GRID2: variants seen among roughly 807,000 people sequenced by gnomAD.
The protein encoded by GRID2 is glutamate receptor ionotropic, delta-2.
In GRID2, 33 loss-of-function variants were observed where a neutral mutation model predicts 114.8. The ratio of observed to expected loss-of-function variants is 0.29; its 90% CI spans 0.22 to 0.38. The LOEUF is 0.38. Ranked by LOEUF, GRID2 falls within the 10% of genes least tolerant of loss-of-function variation. GRID2 has a pLI of 1.00. For missense variants in GRID2, 1,184 were observed against 1,257.7 expected (o/e 0.94, Z 0.89); for synonymous variants, 505 against 449.9 (o/e 1.12, Z -1.55).
intron 13 of GRID2, among the ~76,000 whole-genome samples, chr4:93,570,386 A>T (rs983498613): frequency 3.3e-5 from 5 of 152,150 alleles, no homozygotes; most frequent in Admixed American, 2.0e-4. Flanking sequence ...TTAGGTTGAT[A>T]TTGAGGAAGG....
In GRID2 at chr4:93,187,350, C is replaced by G. The variant is rs996956982; in HGVS notation, c.736-20054C>G. Among the ~76,000 whole-genome samples the G allele has an allele frequency of 2.0e-5, 3 of 149,544 alleles. No homozygotes were observed. The East Asian group carries it at 5.9e-4, about 30-fold the overall frequency. On this transcript the variant is annotated intron_variant, in intron 4 of 15. Coordinates refer to ENST00000282020, the MANE Select transcript of GRID2 (RefSeq NM_001510.4). ...GGAGTGCAGTGGTGTGATCTCGGCT[C>G]TTAGCAACCTCTACCTCCACGGTTC...
At chr4:92,892,729 G>A (rs902593969) in intron 2 of GRID2, among the ~76,000 whole-genome samples, 2 of 151,948 alleles carry the variant, frequency 1.3e-5, no homozygotes, top group African/African-American at 4.8e-5. Flanking sequence ...AATCCACTTG[G>A]GAACACATAA....
chr4:93,173,215 C>G (rs1739017568), intron 4 of GRID2, among the ~76,000 whole-genome samples: 1 of 151,790 alleles, frequency 6.6e-6, no homozygotes, highest in African/African-American at 2.4e-5. Context: ...ATTTTTTTGA[C>G]CAAATTCCAG....
chr4:92,751,131 A>T (rs1202877320), intron 2 of GRID2, among the ~76,000 whole-genome samples: 1 of 152,174 alleles, frequency 6.6e-6, no homozygotes, highest in East Asian at 1.9e-4. Context: ...AAAAAGCGTA[A>T]ATAATCAAAT....
At chr4:92,708,871 C>G (rs1735076344) in intron 2 of GRID2, among the ~76,000 whole-genome samples, 1 of 152,032 alleles carries the variant, frequency 6.6e-6, no homozygotes, top group Non-Finnish European at 1.5e-5. Flanking sequence ...GAGCTGAGAT[C>G]ACACCATTGC....
chr4:92,979,275 A>G (rs895383446), intron 2 of GRID2, among the ~76,000 whole-genome samples: 1 of 152,006 alleles, frequency 6.6e-6, no homozygotes, highest in Non-Finnish European at 1.5e-5. Context: ...ATTAATTGCA[A>G]CTTCTAAAAT....
At chr4:93,392,153 T>C (rs1764917589) in intron 8 of GRID2, among the ~76,000 whole-genome samples, 1 of 152,172 alleles carries the variant, frequency 6.6e-6, no homozygotes, top group African/African-American at 2.4e-5. Flanking sequence ...GCCATCTTTA[T>C]TGTTTTTTAT....
intron 1 of GRID2, among the ~76,000 whole-genome samples, chr4:92,536,938 C>G (rs1725666275): frequency 6.6e-6 from 1 of 152,074 alleles, no homozygotes; most frequent in South Asian, 2.1e-4. Flanking sequence ...CCTTATATAA[C>G]ATAACACGTT....
chr4:93,065,128 A>G (rs1728190616), intron 2 of GRID2, among the ~76,000 whole-genome samples: 1 of 151,904 alleles, frequency 6.6e-6, no homozygotes. Flanking sequence ...AGATCATACT[A>G]GTAAATTTTG....
chr4:93,052,331 C>A (rs1726798060), intron 2 of GRID2, among the ~76,000 whole-genome samples: 1 of 151,848 alleles, frequency 6.6e-6, no homozygotes, highest in Non-Finnish European at 1.5e-5. Flanking sequence ...AATTGATAGG[C>A]AGTCATGTAT....
intron 1 of GRID2, among the ~76,000 whole-genome samples, chr4:92,569,022 A>G (rs1309600437): frequency 2.0e-5 from 3 of 152,046 alleles, no homozygotes; most frequent in Non-Finnish European, 2.9e-5. Context: ...CGGCTTGTTA[A>G]ATAGGCAAAA....
At chr4:93,280,244 A>G (rs1433673) in intron 8 of GRID2, among the ~76,000 whole-genome samples, 107,422 of 151,818 alleles carry the variant, frequency 0.71, 39,008 homozygotes, top group African/African-American at 0.86. Context: ...GGAGTCCTCA[A>G]TGGCCTTTCT....
At chr4:93,011,395 A>T (rs1722125190) in intron 2 of GRID2, among the ~76,000 whole-genome samples, 1 of 152,012 alleles carries the variant, frequency 6.6e-6, no homozygotes. Flanking sequence ...AGTAGTGATA[A>T]AAAAATTCAG....
intron 1 of GRID2, among the ~76,000 whole-genome samples, chr4:92,414,412 A>G (rs566084868): frequency 6.6e-6 from 1 of 152,332 alleles, no homozygotes; most frequent in African/African-American, 2.4e-5. Context: ...ATACATGGTG[A>G]TATTAATGCA....
intron 11 of GRID2, among the ~76,000 whole-genome samples, chr4:93,474,667 C>T (rs910959576): frequency 5.3e-5 from 8 of 152,028 alleles, no homozygotes; most frequent in African/African-American, 1.9e-4. Context: ...TACTTGGAGG[C>T]GGAGACACCA....
chr4:92,568,405 G>T (rs371301013), intron 1 of GRID2, among the ~76,000 whole-genome samples: 1 of 151,914 alleles, frequency 6.6e-6, no homozygotes, highest in Non-Finnish European at 1.5e-5. Context: ...ACAATCTTTT[G>T]TCTCCCCATG....
intron 2 of GRID2, among the ~76,000 whole-genome samples, chr4:92,827,880 T>A (rs752841207): frequency 6.6e-6 from 1 of 152,102 alleles, no homozygotes; most frequent in East Asian, 1.9e-4. Flanking sequence ...TGCAGGAATA[T>A]GCTGTCAAGT....
At chr4:92,415,786 T>G in intron 1 of GRID2, among the ~76,000 whole-genome samples, 1 of 104,730 alleles carries the variant, frequency 9.5e-6, no homozygotes, top group Admixed American at 1.2e-4. Flanking sequence ...ATATATCACA[T>G]TTTCTTTATT....
intron 1 of GRID2, among the ~76,000 whole-genome samples, chr4:93,796,001 C>T (rs948004281): frequency 1.3e-5 from 2 of 152,160 alleles, no homozygotes; most frequent in African/African-American, 4.8e-5. Flanking sequence ...CACATGGTTG[C>T]TGGAAGAATT....
Sources: gnomAD v4.1 joint callset for allele counts (sites outside exome capture counted in the v4.1 genomes callset) on GRCh38, gnomAD v4.1.1 for gene constraint, MANE v1.5 for transcripts, NCBI Gene and HGNC (gene_info 2026-07-23, HGNC 2026-07-21) for gene names.